Variants in PHKA2 observed in about 807,000 individuals in gnomAD.
The protein encoded by PHKA2 is phosphorylase b kinase regulatory subunit alpha, liver isoform.
Under a neutral mutation model 102.0 loss-of-function variants are expected in PHKA2, and 31 were observed. That is an observed-to-expected ratio of 0.30 (90% CI 0.23 to 0.41). PHKA2 has a LOEUF of 0.41. Ranked by LOEUF, PHKA2 falls within the 10% of genes least tolerant of loss-of-function variation. The pLI is 1.00. For synonymous variants in PHKA2, 455 were observed against 416.2 expected (o/e 1.09, Z -1.13); for missense variants, 858 against 1,023.1 (o/e 0.84, Z 2.20).
At chrX:18,980,645 C>T (rs1647114348) in intron 1 of PHKA2, among the ~76,000 whole-genome samples, 1 of 111,888 alleles carries the variant, frequency 8.9e-6, no homozygotes, top group Admixed American at 9.5e-5. Flanking sequence ...CCGCATTCCC[C>T]TTGCTGAGAT....
At position 18,897,338 on chromosome X, in the gene PHKA2, A is replaced by AAGAC. The variant is rs1170362064; in HGVS notation, c.3112-9_3112-6dup. On this transcript the variant is annotated splice_polypyrimidine_tract_variant and splice_region_variant and intron_variant, in intron 29 of 32. Transcript: ENST00000379942. Reference sequence around the variant, plus strand: ...CGAGGATGGGGTGCTGGACCTCTGCAAGACAGACAGCTTGGGGCCTCAGAA... The same window carrying AAGAC: ...CGAGGATGGGGTGCTGGACCTCTGCAAGACAGACAGACAGCTTGGGGCCTCAGAA... 1 of 1,202,164 alleles carries AAGAC rather than the reference A, an allele frequency of 8.3e-7. No homozygotes were observed. The highest frequency in any genetic ancestry group is 1.1e-6 in the Non-Finnish European group (1 of 890,238).
chrX:18,935,598 C>G (rs762618410), intron 11 of PHKA2, among the ~76,000 whole-genome samples: 1 of 108,467 alleles, frequency 9.2e-6, no homozygotes, highest in South Asian at 4.0e-4. Context: ...GACAGGAACA[C>G]TACCTAAGGC....
intron 19 of PHKA2, among the ~76,000 whole-genome samples, chrX:18,914,779 T>C (rs958332853): frequency 4.5e-5 from 5 of 111,789 alleles, no homozygotes; most frequent in Non-Finnish European, 3.8e-5. Flanking sequence ...GCCCTAATCC[T>C]TGAAATAGGA....
intron 5 of PHKA2, among the ~76,000 whole-genome samples, chrX:18,945,925 TTC>T (rs1364215363): frequency 1.8e-5 from 2 of 111,639 alleles, no homozygotes; most frequent in African/African-American, 3.3e-5. Context: ...TTTTCTTTTT[TTC>T]TTTTTTTTTA....
In PHKA2 at chrX:18,925,707, T is replaced by C. The variant is rs752254356; in HGVS notation, c.1530A>G (p.Leu510=). 5.0e-6 allele frequency: 6 copies of C among 1,194,398 alleles called. No individual in the cohort carries two copies. The South Asian group carries it at 8.8e-5, about 18-fold the overall frequency. ...RHIGVLGTSK[L]YVIRNQIFTF... is the part of the protein sequence containing the mutation. ...TAAAGATTTGGTTCCTAATCACATATAGTTTAGAGGTTCCAAGGACACCAA... is the reference window on the plus strand; with the variant it reads ...TAAAGATTTGGTTCCTAATCACATACAGTTTAGAGGTTCCAAGGACACCAA... The change falls in exon 15 of 33, where the codon CTA becomes CTG. Residue 510 remains leucine (L), a synonymous_variant. Transcript: ENST00000379942.
chrX:18,899,373 T>A, intron 28 of PHKA2, 147 bp from the exon 29 acceptor site: 1 of 533,893 alleles, frequency 1.9e-6, no homozygotes. Context: ...GCAACGCACA[T>A]AGGCAAGCTC....
At position 18,936,135 on chromosome X, in the gene PHKA2, C is replaced by G. The variant is rs1206129134; in HGVS notation, c.1057G>C (p.Glu353Gln). Residue 353 changes from glutamate (E) to glutamine (Q), a missense_variant, in exon 11 of 33, where the codon GAG becomes CAG. Coordinates refer to ENST00000379942, the MANE Select transcript of PHKA2 (RefSeq NM_000292.3). ...GDAVQVQEYR[E>Q]ALEGILIRGK... The stretch of plus-strand genomic sequence containing the variant: ...CTGATGAGTATTCCCTCCAGGGCCT[C>G]TCGGTATTCTTGGACCTGGAAAACA... 1 of 1,195,705 alleles carries G rather than the reference C, an allele frequency of 8.4e-7. No individual in the cohort carries two copies. Among genetic ancestry groups the G allele is most frequent in the Admixed American group, 2.2e-5 (1 of 45,465 alleles).
At chrX:18,958,111 C>T (rs983658639) in intron 1 of PHKA2, among the ~76,000 whole-genome samples, 1 of 111,199 alleles carries the variant, frequency 9.0e-6, no homozygotes, top group African/African-American at 3.3e-5. Context: ...CTGCCCACCT[C>T]GGCCTCCCAA....
chrX:18,945,239 C>T (rs891690253), intron 5 of PHKA2, 81 bp from the exon 6 acceptor site: 6 of 582,779 alleles, frequency 1.0e-5, no homozygotes, highest in Non-Finnish European at 1.8e-5. Flanking sequence ...CCTTTATGTT[C>T]CTGCAGCCAC....
intron 11 of PHKA2, among the ~76,000 whole-genome samples, chrX:18,935,733 G>T (rs1409475747): frequency 9.3e-6 from 1 of 108,063 alleles, no homozygotes; most frequent in African/African-American, 3.4e-5. Flanking sequence ...CTCCCAAGTA[G>T]CTGGGACTGC....
chrX:18,924,017 A>T, intron 17 of PHKA2, 39 bp downstream of exon 17: 1 of 907,997 alleles, frequency 1.1e-6, no homozygotes, highest in Non-Finnish European at 1.6e-6. Flanking sequence ...AAGAAAGGTC[A>T]GTGCTACTCT....
Position 18,954,110 on chromosome X carries a change from T to C in PHKA2, c.237+144A>G, listed in dbSNP as rs1029187486. ...CAATGTGAGGTTGAGATAATCTAAG[T>C]ACCTCCCCAAAATATTCTATAGCAG... On this transcript the variant is annotated intron_variant, in intron 2 of 32. Coordinates refer to ENST00000379942, the MANE Select transcript of PHKA2 (RefSeq NM_000292.3). The C allele has an allele frequency of 1.4e-5, 8 of 566,820 alleles. No individual in the cohort carries two copies. The African/African-American group carries it at 1.6e-4, about 11-fold the overall frequency. 46.7% of individuals were successfully genotyped at this position (566,820 alleles called of 1,213,427 possible).
intron 28 of PHKA2, 83 bp downstream of exon 28, chrX:18,900,587 C>T (rs957233019): frequency 2.2e-5 from 20 of 904,383 alleles, no homozygotes; most frequent in South Asian, 1.8e-4. Context: ...CACATTCACA[C>T]GCTGCGGAGT....
At chrX:18,913,857 C>CT (rs2047972617) in intron 19 of PHKA2, among the ~76,000 whole-genome samples, 1 of 112,106 alleles carries the variant, frequency 8.9e-6, no homozygotes, top group Non-Finnish European at 1.9e-5. Flanking sequence ...ACCTCCACAG[C>CT]TTGTCCCACT....
At chrX:18,960,783 C>A (rs192530627) in intron 1 of PHKA2, among the ~76,000 whole-genome samples, 1 of 111,932 alleles carries the variant, frequency 8.9e-6, no homozygotes, top group Non-Finnish European at 1.9e-5. Flanking sequence ...AAAGACACAG[C>A]GAACCATGAG....
intron 1 of PHKA2, among the ~76,000 whole-genome samples, chrX:18,960,120 C>T (rs1228045382): frequency 1.8e-5 from 2 of 111,811 alleles, no homozygotes; most frequent in African/African-American, 3.3e-5. Flanking sequence ...GCCCCTACGA[C>T]CTAGAATGGA....
intron 11 of PHKA2, among the ~76,000 whole-genome samples, chrX:18,932,049 C>G (rs958067939): frequency 1.8e-5 from 2 of 112,539 alleles, no homozygotes; most frequent in Non-Finnish European, 3.8e-5. Flanking sequence ...GCCATGAGAA[C>G]TCTCATGGCT....
intron 2 of PHKA2, among the ~76,000 whole-genome samples, chrX:18,954,021 T>C (rs1286552047): frequency 2.7e-5 from 3 of 111,390 alleles, no homozygotes; most frequent in Non-Finnish European, 3.8e-5. Flanking sequence ...TCATTTTCTA[T>C]TTGGTGTGAT....
chrX:18,952,446 A>G, intron 3 of PHKA2, 48 bp downstream of exon 3: 1 of 1,067,386 alleles, frequency 9.4e-7, no homozygotes, highest in East Asian at 3.0e-5. Flanking sequence ...CACAATTACA[A>G]TGACATGGAA....
Sources: gnomAD v4.1 joint callset for allele counts (sites outside exome capture counted in the v4.1 genomes callset) on GRCh38, gnomAD v4.1.1 for gene constraint, MANE v1.5 for transcripts, NCBI Gene and HGNC (gene_info 2026-07-23, HGNC 2026-07-21) for gene names.